TMEM87A: variants seen among roughly 807,000 people sequenced by gnomAD.
TMEM87A encodes transmembrane protein 87A.
A neutral mutation model predicts 90.0 loss-of-function variants in TMEM87A; 50 were observed. The observed-to-expected ratio is 0.56, with a 90% CI of 0.44 to 0.70. The LOEUF (loss-of-function observed/expected upper bound fraction) is 0.70, where lower values mean the gene tolerates loss of function less well. TMEM87A is among the 30% of genes least tolerant of loss of function. The probability of loss-of-function intolerance (pLI) is 0.00; values close to 1 mark genes in which losing one functional copy is unlikely to be tolerated. For synonymous variants in TMEM87A, 226 were observed against 226.7 expected, an observed-to-expected ratio of 1.00 and a Z score of 0.03; for missense variants, 577 against 660.5, an observed-to-expected ratio of 0.87 and a Z score of 1.39.
Position 42,273,296 on chromosome 15 carries a change from C to T in TMEM87A, c.103G>A (p.Ala35Thr). The part of the protein sequence containing the change: ...SFFSAGPATV[A>T]AADRSKWHIP... Reference sequence around the variant, plus strand: ...TGCCATTTGGACCGGTCGGCAGCAGCTACGGTTGCCGGTCCCGCACTGAAA... The same window carrying T: ...TGCCATTTGGACCGGTCGGCAGCAGTTACGGTTGCCGGTCCCGCACTGAAA... The change falls in exon 1 of 20, where the codon GCT becomes ACT. Residue 35 changes from alanine (A) to threonine (T), a missense_variant. By Grantham distance (58) the Ala-to-Thr change is moderately conservative. Transcript: ENST00000389834. 1.2e-6 allele frequency: 2 copies of T among 1,614,172 alleles called. No individual in the cohort carries two copies. Among genetic ancestry groups the T allele is most frequent in the South Asian group, 2.2e-5 (2 of 91,088 alleles).
upstream of TMEM87A, chr15:42,273,535 G>A: frequency 2.1e-6 from 3 of 1,423,274 alleles, no homozygotes; most frequent in Admixed American, 2.3e-5. Flanking sequence ...GCGGCGTAGC[G>A]GCCCCTCTCT....
At chr15:42,241,062 T>G (rs1043983293) in intron 7 of TMEM87A, among the ~76,000 whole-genome samples, 2 of 152,214 alleles carry the variant, frequency 1.3e-5, no homozygotes, top group Non-Finnish European at 1.5e-5. Flanking sequence ...CAGCTGCCTC[T>G]GCACCACCTC....
At chr15:42,227,553 A>T in intron 14 of TMEM87A, 158 bp downstream of exon 14, 1 of 609,196 alleles carries the variant, frequency 1.6e-6, no homozygotes, top group South Asian at 2.0e-5. Context: ...ATGATAGTAC[A>T]GAATACTTAG....
chr15:42,268,797 A>G (rs113607427), intron 2 of TMEM87A, among the ~76,000 whole-genome samples: 2,735 of 152,380 alleles, frequency 0.018, 40 homozygotes, highest in Non-Finnish European at 0.026. Flanking sequence ...CTAGTTGAAG[A>G]GACAAGCAAT....
rs1226447531 is a variant in TMEM87A at position 42,251,145 on chromosome 15, C to G, written c.505-6978G>C. Among the ~76,000 whole-genome samples, 4 of 152,180 alleles carry G rather than the reference C, an allele frequency of 2.6e-5. No homozygotes were observed. In the East Asian group the frequency reaches 7.7e-4, roughly 29 times the overall value. ...TATTCTAGATAGCCATTCATCTACT[C>G]TTTTTTCAAGGTTTTTAGCTTCCTT... On this transcript the variant is annotated intron_variant, in intron 6 of 19. Coordinates refer to ENST00000389834, the MANE Select transcript of TMEM87A (RefSeq NM_015497.5).
At chr15:42,235,330 G>T (rs367704780) in intron 10 of TMEM87A, among the ~76,000 whole-genome samples, 1 of 152,156 alleles carries the variant, frequency 6.6e-6, no homozygotes, top group African/African-American at 2.4e-5. Context: ...AAGCCACCAC[G>T]CCTGGCCTTC....
At chr15:42,250,568 T>G (rs929244702) in intron 6 of TMEM87A, among the ~76,000 whole-genome samples, 1 of 152,206 alleles carries the variant, frequency 6.6e-6, no homozygotes, top group African/African-American at 2.4e-5. Context: ...TTGAAAATTA[T>G]TTAAGAATGT....
intron 13 of TMEM87A, among the ~76,000 whole-genome samples, 190 bp from the exon 14 acceptor site, chr15:42,227,959 T>A (rs2050625988): frequency 6.6e-6 from 1 of 152,230 alleles, no homozygotes; most frequent in Non-Finnish European, 1.5e-5. Context: ...AGGCTCATGA[T>A]ACATACTCTG....
chr15:42,228,071 T>A (rs1306967762), intron 13 of TMEM87A, among the ~76,000 whole-genome samples: 2 of 152,210 alleles, frequency 1.3e-5, no homozygotes, highest in Admixed American at 1.3e-4. Context: ...ATTGGAAATA[T>A]AGCTCTTTCC....
chr15:42,236,951 A>G (rs1476082355), intron 9 of TMEM87A, among the ~76,000 whole-genome samples: 1 of 152,226 alleles, frequency 6.6e-6, no homozygotes, highest in Non-Finnish European at 1.5e-5. Context: ...ACTACAGTAT[A>G]AAACAACTTC....
chr15:42,230,931 T>C (rs576924514), intron 12 of TMEM87A, among the ~76,000 whole-genome samples: 10 of 152,030 alleles, frequency 6.6e-5, no homozygotes, highest in Non-Finnish European at 1.5e-4. Flanking sequence ...AAATGCTCAC[T>C]TAAAAGAAAA....
In TMEM87A at chr15:42,231,228, G is replaced by A. The variant is rs1309289780; in HGVS notation, c.1095C>T (p.Ile365=). 4 of 1,592,870 alleles carry A rather than the reference G, an allele frequency of 2.5e-6. No individual in the cohort carries two copies. Among genetic ancestry groups the A allele is most frequent in the South Asian group, 2.3e-5 (2 of 87,646 alleles). ...AQTDLASLAF[I]PLAFLDTALC... is the part of the protein sequence containing the mutation. ...AGGCAGTGTCTAGGAAAGCCAAGGG[G>A]ATAAAGGCCAAGGAAGCAAGATCAG... The change falls in exon 12 of 20, where the codon ATC becomes ATT. Residue 365 remains isoleucine (I), a synonymous_variant. Transcript: ENST00000389834.
At chr15:42,240,074 C>T (rs2050842376) in intron 7 of TMEM87A, among the ~76,000 whole-genome samples, 1 of 152,200 alleles carries the variant, frequency 6.6e-6, no homozygotes, top group African/African-American at 2.4e-5. Context: ...TACACATACT[C>T]TAAATTCTAA....
At chr15:42,227,797 A>G (rs2050622623) in intron 13 of TMEM87A, 28 bp from the exon 14 acceptor site, 1 of 1,607,676 alleles carries the variant, frequency 6.2e-7, no homozygotes, top group East Asian at 2.2e-5. Context: ...ACCAGGTCAG[A>G]GTATGAATGC....
intron 19 of TMEM87A, among the ~76,000 whole-genome samples, chr15:42,216,567 C>T (rs114972291): frequency 6.6e-6 from 1 of 152,132 alleles, no homozygotes; most frequent in Non-Finnish European, 1.5e-5. Context: ...TCATGGAGAG[C>T]TGAAGTACAA....
chr15:42,257,520 C>T (rs1349050748), intron 6 of TMEM87A, among the ~76,000 whole-genome samples: 3 of 152,166 alleles, frequency 2.0e-5, no homozygotes, highest in African/African-American at 7.2e-5. Context: ...TTATAAATTA[C>T]CCAGCTCCAG....
At chr15:42,251,310 G>A (rs1281895463) in intron 6 of TMEM87A, among the ~76,000 whole-genome samples, 2 of 152,182 alleles carry the variant, frequency 1.3e-5, no homozygotes, top group Non-Finnish European at 2.9e-5. Flanking sequence ...ATCCTTTGGA[G>A]GAGAAGAGAT....
rs1367699914 is a variant in TMEM87A at position 42,257,920 on chromosome 15, A to C, written c.504+3038T>G. 9.1e-6 allele frequency: 9 copies of C among 983,982 alleles called. No homozygotes were observed. In the African/African-American group the frequency reaches 1.6e-4, roughly 17 times the overall value. The allele number at this position is 983,982 out of a possible 1,614,324, so 61.0% of individuals were successfully genotyped here. A position where few individuals can be genotyped will look rare whatever the true frequency, so the allele number is the denominator to read the frequency against. On this transcript the variant is annotated intron_variant, in intron 6 of 19. Transcript: ENST00000389834. The stretch of plus-strand genomic sequence containing the variant: ...TGCATGTGCTCTGTGTAATCACACC[A>C]AACTGCTAAAACTATTAGAACATAA...
chr15:42,237,894 T>G (rs535647585), intron 8 of TMEM87A, among the ~76,000 whole-genome samples: 185 of 152,232 alleles, frequency 1.2e-3, no homozygotes, highest in Non-Finnish European at 2.1e-3. Context: ...AAATAATTCT[T>G]CCTTTGGAGC....
Sources: gnomAD v4.1 joint callset for allele counts (sites outside exome capture counted in the v4.1 genomes callset) on GRCh38, gnomAD v4.1.1 for gene constraint, MANE v1.5 for transcripts, NCBI Gene and HGNC (gene_info 2026-07-23, HGNC 2026-07-21) for gene names.